TTC23: variants seen among roughly 807,000 people sequenced by gnomAD.
TTC23 encodes tetratricopeptide repeat protein 23.
Under a neutral mutation model 55.1 loss-of-function variants are expected in TTC23, and 58 were observed. That is an observed-to-expected ratio of 1.05 (90% confidence interval 0.85 to 1.31). The LOEUF (loss-of-function observed/expected upper bound fraction) is 1.31, where lower values mean the gene tolerates loss of function less well. Ranked by LOEUF, TTC23 falls within the 50% of genes most tolerant of loss-of-function variation. The pLI is 0.00. For missense variants in TTC23, 516 were observed against 534.4 expected, an observed-to-expected ratio of 0.97 and a Z score of 0.34; for synonymous variants, 203 against 199.9, an observed-to-expected ratio of 1.02 and a Z score of -0.13.
intron 4 of TTC23, among the ~76,000 whole-genome samples, 173 bp downstream of exon 4, chr15:99,234,815 T>A (rs2079183155): frequency 6.6e-6 from 1 of 152,056 alleles, no homozygotes; most frequent in Admixed American, 6.6e-5. Context: ...TCAATTAGAA[T>A]GACTAAGATT....
At chr15:99,183,380 G>T (rs1477047916) in intron 9 of TTC23, among the ~76,000 whole-genome samples, 1 of 150,676 alleles carries the variant, frequency 6.6e-6, no homozygotes, top group African/African-American at 2.4e-5. Flanking sequence ...GGAGTGCAGT[G>T]GTGCGATCTC....
rs939899458 is a variant in TTC23, at chr15:99,139,838, G to T, written c.1144-439C>A. Reference sequence around the variant, plus strand: ...GGCTGTCTATACTCTTGACTACACAGCAATGTCTTAGTTATTAGGAACCAA... The same window carrying T: ...GGCTGTCTATACTCTTGACTACACATCAATGTCTTAGTTATTAGGAACCAA... On this transcript the variant is annotated intron_variant, in intron 12 of 13. Coordinates refer to ENST00000394132, the MANE Select transcript of TTC23 (RefSeq NM_001288615.3). The T allele has an allele frequency of 4.4e-5, 44 of 1,010,132 alleles. 2 individuals carry two copies. Among genetic ancestry groups the T allele is most frequent in the Middle Eastern group, 8.5e-4 (2 of 2,356 alleles). The allele number at this position is 1,010,132 out of a possible 1,614,324, so 62.6% of individuals were successfully genotyped here.
intron 12 of TTC23, chr15:99,155,502 A>G (rs2070415324): frequency 6.6e-6 from 1 of 152,244 alleles, no homozygotes; most frequent in Non-Finnish European, 1.5e-5. Context: ...ATTCTAGTAA[A>G]AGAAAAGCCA....
intron 8 of TTC23, among the ~76,000 whole-genome samples, chr15:99,207,243 T>C (rs561993590): frequency 2.6e-5 from 4 of 152,204 alleles, no homozygotes; most frequent in African/African-American, 9.6e-5. Context: ...GCATCAAAAA[T>C]CAAGGCAAAC....
chr15:99,240,646 C>T (rs2152093529), intron 3 of TTC23, among the ~76,000 whole-genome samples: 1 of 152,302 alleles, frequency 6.6e-6, no homozygotes, highest in East Asian at 1.9e-4. Context: ...AAAGTCGTTC[C>T]CATTTGTCAT....
At chr15:99,148,552 G>T (rs2069276832) in intron 12 of TTC23, 1 of 151,966 alleles carries the variant, frequency 6.6e-6, no homozygotes, top group Non-Finnish European at 1.5e-5. Context: ...CTAAAGTAGT[G>T]AGGCAGTGGA....
rs755931003 is a variant in TTC23 at position 99,203,714 on chromosome 15, TA to T, written c.582-3619del. 2.6e-3 allele frequency among the ~76,000 whole-genome samples: 394 copies of T among 150,294 alleles called. 2 individuals carry two copies. Among genetic ancestry groups the T allele is most frequent in the African/African-American group, 8.3e-3 (341 of 40,978 alleles). On this transcript the variant is annotated intron_variant, in intron 8 of 13. Coordinates refer to ENST00000394132, the MANE Select transcript of TTC23 (RefSeq NM_001288615.3). ...TTCTTTTTTTTCTTTCTTTTTTTTT[TA>T]AATCTTTTTAGCTCCTACATTTGAC...
chr15:99,182,949 G>C (rs2074292853), intron 9 of TTC23, among the ~76,000 whole-genome samples: 1 of 152,174 alleles, frequency 6.6e-6, no homozygotes, highest in Non-Finnish European at 1.5e-5. Context: ...GACTAATGCA[G>C]TAAATTGGTA....
At chr15:99,187,785 A>G (rs910775020) in intron 9 of TTC23, among the ~76,000 whole-genome samples, 1 of 152,088 alleles carries the variant, frequency 6.6e-6, no homozygotes, top group African/African-American at 2.4e-5. Context: ...AAAAGCCACA[A>G]TGAGATATCA....
At chr15:99,186,918 GTTTGT>G (rs898037567) in intron 9 of TTC23, among the ~76,000 whole-genome samples, 9 of 151,882 alleles carry the variant, frequency 5.9e-5, no homozygotes, top group East Asian at 1.9e-4. Context: ...CAAAATCCTG[GTTTGT>G]TTTGTTTTGT....
intron 8 of TTC23, among the ~76,000 whole-genome samples, chr15:99,214,129 T>G (rs575900176): frequency 2.0e-5 from 3 of 152,272 alleles, no homozygotes; most frequent in Non-Finnish European, 4.4e-5. Context: ...TTTATTTATT[T>G]AAAGAGACAG....
At chr15:99,144,796 C>G (rs1218233976) in intron 12 of TTC23, 1 of 152,144 alleles carries the variant, frequency 6.6e-6, no homozygotes, top group Non-Finnish European at 1.5e-5. Flanking sequence ...TAAAAAATTG[C>G]TCTAATGCTG....
intron 2 of TTC23, 62 bp from the exon 3 acceptor site, chr15:99,241,621 T>A (rs2079803237): frequency 6.6e-6 from 1 of 152,332 alleles, no homozygotes; most frequent in South Asian, 2.1e-4. Context: ...GAAGAAGAGG[T>A]CTGAAGTGGA....
intron 12 of TTC23, among the ~76,000 whole-genome samples, chr15:99,153,506 T>A (rs1314476277): frequency 1.3e-5 from 2 of 152,234 alleles, no homozygotes; most frequent in Non-Finnish European, 2.9e-5. Context: ...TCAGAACTAG[T>A]TAATTCTTTT....
chr15:99,166,600 A>C (rs986954233), intron 10 of TTC23, among the ~76,000 whole-genome samples: 7 of 152,234 alleles, frequency 4.6e-5, no homozygotes, highest in African/African-American at 1.7e-4. Flanking sequence ...AAGTGACAGA[A>C]GGCCAGGCGT....
intron 10 of TTC23, among the ~76,000 whole-genome samples, chr15:99,164,469 G>T (rs79726128): frequency 0.079 from 11,976 of 152,258 alleles, 715 homozygotes; most frequent in East Asian, 0.28. Context: ...GATAGCTTCA[G>T]GGTGACACAT....
chr15:99,212,293 CAT>C (rs2077103193), intron 8 of TTC23, among the ~76,000 whole-genome samples: 2 of 142,834 alleles, frequency 1.4e-5, no homozygotes, highest in Non-Finnish European at 1.6e-5. Flanking sequence ...TGTGTGTGTG[CAT>C]GCATGTGCAA....
intron 10 of TTC23, among the ~76,000 whole-genome samples, chr15:99,165,582 T>TC (rs2071965035): frequency 6.6e-6 from 1 of 152,080 alleles, no homozygotes; most frequent in Admixed American, 6.6e-5. Flanking sequence ...GAGGCAGAAA[T>TC]CAATTGAACT....
intron 9 of TTC23, among the ~76,000 whole-genome samples, chr15:99,197,001 C>T (rs2075770944): frequency 6.6e-6 from 1 of 152,216 alleles, no homozygotes; most frequent in Non-Finnish European, 1.5e-5. Flanking sequence ...CTTGCCTAGG[C>T]TTGTCTTCCC....
Sources: gnomAD v4.1 joint callset for allele counts (sites outside exome capture counted in the v4.1 genomes callset) on GRCh38, gnomAD v4.1.1 for gene constraint, MANE v1.5 for transcripts, NCBI Gene and HGNC (gene_info 2026-07-23, HGNC 2026-07-21) for gene names.